The following TOP6BL variants were observed in gnomAD, a reference collection of about 807,000 sequenced individuals.
TOP6BL encodes type 2 DNA topoisomerase 6 subunit B-like.
At chr11:66,815,873 G>C in the TOP6BL span, 4 of 541,292 alleles carry the variant, frequency 7.4e-6, no homozygotes, top group East Asian at 1.2e-4. Context: ...CTTCCTGTGA[G>C]TCATTATGAT....
the TOP6BL span, chr11:66,815,979 A>G: frequency 7.1e-7 from 1 of 1,404,488 alleles, no homozygotes; most frequent in Non-Finnish European, 9.7e-7. Context: ...TGTTCAGAAT[A>G]CAGGTTCTGT....
At chr11:66,842,800 C>T in the TOP6BL span, 17 of 1,500,228 alleles carry the variant, frequency 1.1e-5, no homozygotes, top group Non-Finnish European at 1.5e-5. Flanking sequence ...AAGGGTGCTC[C>T]TAGCACAGGG....
the TOP6BL span, chr11:66,756,626 A>T: frequency 1.3e-6 from 1 of 756,512 alleles, no homozygotes; most frequent in Non-Finnish European, 1.6e-6. Flanking sequence ...GACAGTAGAG[A>T]CTTATCTGTA....
the TOP6BL span, chr11:66,821,699 G>T: frequency 6.2e-7 from 1 of 1,612,916 alleles, no homozygotes; most frequent in African/African-American, 1.3e-5. Flanking sequence ...GAGCCACAGT[G>T]TAGTGCAAGG....
chr11:66,799,873 A>G, the TOP6BL span, among the ~76,000 whole-genome samples: 1 of 151,962 alleles, frequency 6.6e-6, no homozygotes, highest in African/African-American at 2.4e-5. Flanking sequence ...TGACCTTGGG[A>G]GTTCAAGACC....
the TOP6BL span, among the ~76,000 whole-genome samples, chr11:66,757,420 T>G: frequency 6.6e-6 from 1 of 152,124 alleles, no homozygotes; most frequent in Non-Finnish European, 1.5e-5. Flanking sequence ...CCTTTGGAAG[T>G]GTGTATCATT....
At chr11:66,841,995 T>G in the TOP6BL span, among the ~76,000 whole-genome samples, 2 of 152,100 alleles carry the variant, frequency 1.3e-5, no homozygotes, top group Non-Finnish European at 2.9e-5. Context: ...GGAGGACAGC[T>G]TGAGACTAGC....
the TOP6BL span, chr11:66,801,057 T>C: frequency 6.2e-7 from 1 of 1,613,954 alleles, no homozygotes; most frequent in Non-Finnish European, 8.5e-7. Context: ...ACTTTGAACC[T>C]TGGGAATGGA....
the TOP6BL span, among the ~76,000 whole-genome samples, chr11:66,781,009 CTAT>C: frequency 7.9e-5 from 12 of 152,098 alleles, no homozygotes; most frequent in Non-Finnish European, 1.8e-4. Context: ...ATCATTTTGA[CTAT>C]TATATACCTA....
chr11:66,797,873 T>C, the TOP6BL span, among the ~76,000 whole-genome samples: 1 of 152,244 alleles, frequency 6.6e-6, no homozygotes, highest in African/African-American at 2.4e-5. Flanking sequence ...TAGTTAGATA[T>C]GTTTATAAAG....
the TOP6BL span, among the ~76,000 whole-genome samples, chr11:66,834,308 G>GT: frequency 6.6e-6 from 1 of 152,166 alleles, no homozygotes. Flanking sequence ...TTAACACAGA[G>GT]GACTAGGTTG....
the TOP6BL span, among the ~76,000 whole-genome samples, chr11:66,770,843 C>G: frequency 6.6e-6 from 1 of 152,174 alleles, no homozygotes; most frequent in Non-Finnish European, 1.5e-5. Flanking sequence ...ATAGTATAAT[C>G]CCCTGCTGCC....
the TOP6BL span, among the ~76,000 whole-genome samples, chr11:66,841,850 T>TTTAC: frequency 9.2e-3 from 1,400 of 152,012 alleles, 23 homozygotes; most frequent in African/African-American, 0.031. Context: ...TTGCATAAGG[T>TTTAC]TTGTGTTAAC....
At chr11:66,752,520 C>T in the TOP6BL span, among the ~76,000 whole-genome samples, 3 of 152,054 alleles carry the variant, frequency 2.0e-5, no homozygotes, top group East Asian at 1.9e-4. Flanking sequence ...GGCATGATCT[C>T]GACTTACTGC....
the TOP6BL span, chr11:66,762,323 G>C: frequency 2.5e-6 from 1 of 407,576 alleles, no homozygotes; most frequent in Admixed American, 4.4e-5. Context: ...CGGAAAGGCG[G>C]GGCGGGCCCC....
chr11:66,744,813 A>C, the TOP6BL span: 1 of 1,188,018 alleles, frequency 8.4e-7, no homozygotes, highest in Non-Finnish European at 1.1e-6. Flanking sequence ...GCCCGGGCTG[A>C]GGAGGGGGCG....
At chr11:66,762,378 C>T in the TOP6BL span, 3 of 367,082 alleles carry the variant, frequency 8.2e-6, no homozygotes, top group South Asian at 7.4e-5. Context: ...ATATGGGGCA[C>T]TCAGCGCAGC....
the TOP6BL span, among the ~76,000 whole-genome samples, chr11:66,748,675 T>G: frequency 6.6e-6 from 1 of 152,182 alleles, no homozygotes; most frequent in Non-Finnish European, 1.5e-5. Flanking sequence ...GGTGGTAGAT[T>G]TACAAATGTA....
At chr11:66,817,318 A>C in the TOP6BL span, among the ~76,000 whole-genome samples, 1 of 152,116 alleles carries the variant, frequency 6.6e-6, no homozygotes, top group Non-Finnish European at 1.5e-5. Flanking sequence ...GTGTTTATCT[A>C]TTAGATGGGT....
Sources: gnomAD v4.1 joint callset for allele counts (sites outside exome capture counted in the v4.1 genomes callset) on GRCh38, gnomAD v4.1.1 for gene constraint, MANE v1.5 for transcripts, NCBI Gene and HGNC (gene_info 2026-07-23, HGNC 2026-07-21) for gene names.